ARID2: variants seen among roughly 807,000 people sequenced by gnomAD.
The protein encoded by ARID2 is AT-rich interactive domain-containing protein 2.
Under a neutral mutation model 184.6 loss-of-function variants are expected in ARID2, and 32 were observed. The ratio of observed to expected loss-of-function variants is 0.17; its 90% CI spans 0.13 to 0.23. ARID2 has a LOEUF of 0.23. Among genes scored for constraint, ARID2 ranks in the 10% least tolerant of loss-of-function variants. ARID2 has a pLI of 1.00. For missense variants in ARID2, 1,696 were observed against 2,197.6 expected (o/e 0.77, Z 4.56); for synonymous variants, 836 against 772.6 (o/e 1.08, Z -1.36).
At position 45,836,744 on chromosome 12, in the gene ARID2, G is replaced by T. The variant is rs1313067794; in HGVS notation, c.776G>T (p.Gly259Val). The change falls in exon 8 of 21, where the codon GGT (glycine) becomes GTT (valine). Residue 259 changes from glycine (G) to valine (V), a missense_variant. By Grantham distance (109) the Gly-to-Val change is moderately radical. Around this residue, in one of 11 missense-constraint regions of ARID2, gnomAD observed 148 missense variants for 285.4 expected, o/e 0.52. Transcript: ENST00000334344. ...AAATATGTATTTTCTATTGTAGAAG[G>T]TACATCAGGAGAATGGATTTGGGAG... ...LISDRNKSHE[G>V]TSGEWIWESL... is the part of the protein sequence containing the mutation. 3 of 1,611,992 alleles carry T rather than the reference G, an allele frequency of 1.9e-6. No individual in the cohort carries two copies. Among genetic ancestry groups the T allele is most frequent in the African/African-American group, 2.7e-5 (2 of 74,746 alleles).
rs1475637243 is a variant in ARID2 at position 45,891,774 on chromosome 12, T to C, written c.4923-6T>C. 1 of 1,611,042 alleles carries C rather than the reference T, an allele frequency of 6.2e-7. No individual in the cohort carries two copies. The highest frequency in any genetic ancestry group is 8.5e-7 in the Non-Finnish European group (1 of 1,179,246). On this transcript the variant is annotated splice_region_variant and splice_polypyrimidine_tract_variant and intron_variant, in intron 16 of 20. Transcript: ENST00000334344. Reference sequence around the variant, plus strand: ...TCCAAGTGTCTACTACTTTTATTTTTTATAGGTGGTTTCAGACACCCTCAC... The same window carrying C: ...TCCAAGTGTCTACTACTTTTATTTTCTATAGGTGGTTTCAGACACCCTCAC...
In ARID2 at chr12:45,800,223, A is replaced by G. The variant is rs959250204; in HGVS notation, c.285-11195A>G. On this transcript the variant is annotated intron_variant, in intron 3 of 20. Coordinates refer to ENST00000334344, the MANE Select transcript of ARID2 (RefSeq NM_152641.4). ...TATAAGTAATAATAAAATTAAATAGATACAATAACGTGGCAGAGTAAACCA... is the reference window on the plus strand; with the variant it reads ...TATAAGTAATAATAAAATTAAATAGGTACAATAACGTGGCAGAGTAAACCA... Among the ~76,000 whole-genome samples, 29 of 152,244 alleles carry G rather than the reference A, an allele frequency of 1.9e-4. 2 individuals carry two copies. The highest frequency in any genetic ancestry group is 5.9e-5 in the Non-Finnish European group (4 of 68,048).
At chr12:45,876,054 A>G (rs780119207) in intron 16 of ARID2, among the ~76,000 whole-genome samples, 2 of 152,254 alleles carry the variant, frequency 1.3e-5, no homozygotes, top group Non-Finnish European at 2.9e-5. Context: ...CAGCTTTGCC[A>G]TACCTTTCTC....
intron 15 of ARID2, among the ~76,000 whole-genome samples, chr12:45,857,462 A>G (rs1943670033): frequency 6.6e-6 from 1 of 152,218 alleles, no homozygotes; most frequent in Non-Finnish European, 1.5e-5. Context: ...TAAGAAAAGT[A>G]TTACATAACT....
chr12:45,845,044 G>A (rs990186146), intron 11 of ARID2, among the ~76,000 whole-genome samples: 34 of 152,230 alleles, frequency 2.2e-4, no homozygotes, highest in Middle Eastern at 3.4e-3. Flanking sequence ...GTATCCTGAG[G>A]GCAGTGCTCC....
At chr12:45,891,459 A>G (rs888357461) in intron 16 of ARID2, among the ~76,000 whole-genome samples, 2 of 152,208 alleles carry the variant, frequency 1.3e-5, no homozygotes, top group Non-Finnish European at 2.9e-5. Context: ...GAACTGTTGG[A>G]TTGGATATGC....
At chr12:45,761,715 T>C (rs1941683292) in intron 3 of ARID2, among the ~76,000 whole-genome samples, 2 of 152,076 alleles carry the variant, frequency 1.3e-5, no homozygotes. Context: ...TTTTTTTCCT[T>C]ATCTTTTCTC....
intron 15 of ARID2, among the ~76,000 whole-genome samples, chr12:45,856,943 T>C (rs1455780462): frequency 6.6e-6 from 1 of 152,188 alleles, no homozygotes. Context: ...AGCCCTGCCC[T>C]GTTCCACTGT....
At chr12:45,785,297 A>G (rs750756659) in intron 3 of ARID2, among the ~76,000 whole-genome samples, 1 of 152,222 alleles carries the variant, frequency 6.6e-6, no homozygotes, top group Non-Finnish European at 1.5e-5. Context: ...TTTTCTACTT[A>G]CTAAAAGGTT....
At chr12:45,865,171 G>GT (rs1424485027) in intron 16 of ARID2, among the ~76,000 whole-genome samples, 1 of 152,120 alleles carries the variant, frequency 6.6e-6, no homozygotes, top group East Asian at 1.9e-4. Context: ...AAGATAGTCT[G>GT]TGTGTTTATA....
intron 6 of ARID2, among the ~76,000 whole-genome samples, chr12:45,828,636 GTC>G (rs1261741676): frequency 6.6e-6 from 1 of 151,994 alleles, no homozygotes; most frequent in Non-Finnish European, 1.5e-5. Flanking sequence ...GGTATTGTCA[GTC>G]TCTTTCATTT....
intron 3 of ARID2, among the ~76,000 whole-genome samples, chr12:45,755,476 A>G (rs1317127600): frequency 1.3e-5 from 2 of 152,232 alleles, no homozygotes; most frequent in Non-Finnish European, 2.9e-5. Context: ...GTACTTCAGA[A>G]TCTGTGGTAT....
intron 8 of ARID2, 146 bp downstream of exon 8, chr12:45,837,137 T>A: frequency 8.2e-7 from 1 of 1,212,122 alleles, no homozygotes; most frequent in Non-Finnish European, 1.1e-6. Flanking sequence ...GATGTAGAAG[T>A]ATCACATACT....
At chr12:45,804,710 T>C (rs1324866464) in intron 3 of ARID2, among the ~76,000 whole-genome samples, 11 of 152,096 alleles carry the variant, frequency 7.2e-5, no homozygotes, top group Admixed American at 7.2e-4. Flanking sequence ...TTGTGAAATA[T>C]ATCATGCACA....
chr12:45,816,364 A>G (rs948670495), intron 4 of ARID2, among the ~76,000 whole-genome samples: 1 of 152,214 alleles, frequency 6.6e-6, no homozygotes, highest in African/African-American at 2.4e-5. Context: ...ACAGGGAGAA[A>G]ATATGTGCAA....
intron 16 of ARID2, among the ~76,000 whole-genome samples, chr12:45,872,334 A>T (rs548623194): frequency 5.3e-5 from 8 of 152,238 alleles, no homozygotes; most frequent in African/African-American, 1.9e-4. Flanking sequence ...ATTTTCCTCT[A>T]GTTCGAAATA....
Position 45,907,623 on chromosome 12 carries a change from C to CT in ARID2, c.*2549dup, listed in dbSNP as rs1415419352. 1.7e-5 allele frequency: 4 copies of CT among 233,040 alleles called. No homozygotes were observed. The East Asian group carries it at 2.4e-4, about 14-fold the overall frequency. The allele number at this position is 233,040 out of a possible 1,614,324, so 14.4% of individuals were successfully genotyped here. ...CTTGCTGTGTAATGGAATTAAAGTGCTTTTGCACAATAAGTTCTGCAAAAC... is the reference window on the plus strand; with the variant it reads ...CTTGCTGTGTAATGGAATTAAAGTGCTTTTTGCACAATAAGTTCTGCAAAAC... On this transcript the variant is annotated 3_prime_UTR_variant, in exon 21 of 21. Coordinates refer to ENST00000334344, the MANE Select transcript of ARID2 (RefSeq NM_152641.4).
At chr12:45,799,236 ATAAGTATTTG>A (rs990138715) in intron 3 of ARID2, among the ~76,000 whole-genome samples, 2 of 152,164 alleles carry the variant, frequency 1.3e-5, no homozygotes, top group African/African-American at 4.8e-5. Flanking sequence ...TAAGTGCTTA[ATAAGTATTTG>A]TTGAATGAAT....
At chr12:45,896,764 A>G (rs1944373449) in intron 20 of ARID2, among the ~76,000 whole-genome samples, 1 of 152,200 alleles carries the variant, frequency 6.6e-6, no homozygotes. Context: ...GATGCTGGCC[A>G]TTAAGAGATG....
Sources: gnomAD v4.1 joint callset for allele counts (sites outside exome capture counted in the v4.1 genomes callset) on GRCh38, gnomAD v4.1.1 for gene constraint, gnomAD v4.1.1 regional missense constraint, MANE v1.5 for transcripts, NCBI Gene and HGNC (gene_info 2026-07-23, HGNC 2026-07-21) for gene names.